The following DMD variants were observed in gnomAD, a reference collection of about 807,000 sequenced individuals.
The protein encoded by DMD is dystrophin.
Under a neutral mutation model 330.1 loss-of-function variants are expected in DMD, and 63 were observed. That is an observed-to-expected ratio of 0.19 (90% CI 0.16 to 0.24). The LOEUF is 0.24. DMD is among the 10% of genes least tolerant of loss of function. The pLI is 1.00. For synonymous variants in DMD, 1,223 were observed against 959.8 expected (o/e 1.27, Z -5.07); for missense variants, 3,344 against 2,684.1 (o/e 1.25, Z -5.43).
At chrX:32,584,940 A>T (rs1569250903) in intron 13 of DMD, among the ~76,000 whole-genome samples, 1 of 108,836 alleles carries the variant, frequency 9.2e-6, no homozygotes, top group Non-Finnish European at 1.9e-5. Context: ...TAAAGTTTGC[A>T]TTTTTTTTTC....
chrX:32,325,340 C>A (rs909505118), intron 41 of DMD, among the ~76,000 whole-genome samples: 30 of 111,200 alleles, frequency 2.7e-4, no homozygotes, highest in African/African-American at 8.8e-4. Flanking sequence ...TCGCACAGAG[C>A]TCTGAACTAG....
intron 44 of DMD, among the ~76,000 whole-genome samples, chrX:32,044,588 A>AT (rs760382813): frequency 9.2e-6 from 1 of 109,202 alleles, no homozygotes; most frequent in African/African-American, 3.3e-5. Context: ...TGCCCAGCTA[A>AT]TTTTTTTGTA....
In DMD at chrX:31,749,069, C is replaced by T. The variant is rs186555311; in HGVS notation, c.7543-19321G>A. ...AAGCACAGAAAAGATTACCAACTTC[C>T]CCAAAGACAGCCAGCCAGTTAGGAT... On this transcript the variant is annotated intron_variant, in intron 51 of 78. Coordinates refer to ENST00000357033, the MANE Select transcript of DMD (RefSeq NM_004006.3). Among the ~76,000 whole-genome samples, 208 of 111,288 alleles carry T rather than the reference C, an allele frequency of 1.9e-3. 2 individuals carry two copies. The highest frequency in any genetic ancestry group is 2.7e-3 in the South Asian group (7 of 2,637).
At chrX:32,139,216 A>G (rs1017444773) in intron 44 of DMD, among the ~76,000 whole-genome samples, 3 of 112,201 alleles carry the variant, frequency 2.7e-5, no homozygotes, top group African/African-American at 9.7e-5. Flanking sequence ...TATTCTCAAC[A>G]TGTTCACATC....
chrX:32,081,005 C>A (rs181727271), intron 44 of DMD, among the ~76,000 whole-genome samples: 3 of 111,961 alleles, frequency 2.7e-5, no homozygotes. Flanking sequence ...GATTGACCCA[C>A]GTCTTGACAA....
At chrX:31,785,392 T>A (rs913766122) in intron 50 of DMD, among the ~76,000 whole-genome samples, 1 of 112,145 alleles carries the variant, frequency 8.9e-6, no homozygotes, top group Non-Finnish European at 1.9e-5. Flanking sequence ...TTAACACTAC[T>A]GGTTTGTACA....
chrX:32,857,474 T>G (rs2081671404), intron 2 of DMD, among the ~76,000 whole-genome samples: 1 of 112,298 alleles, frequency 8.9e-6, no homozygotes. Context: ...TTTTCCCTCC[T>G]TTGGCCAGGA....
At chrX:31,732,435 T>C (rs991206418) in intron 51 of DMD, among the ~76,000 whole-genome samples, 3 of 111,622 alleles carry the variant, frequency 2.7e-5, no homozygotes, top group African/African-American at 9.7e-5. Context: ...TAAGATATTA[T>C]AAAAACAGTG....
rs771228688 is a variant in DMD, at chrX:31,279,899, G to C, written c.9225-18883C>G. Reference sequence around the variant, plus strand: ...GACTACATTTTTAGAGTTGTAAAAAGAAAAAGAATGTGCAACAAAGATGCA... The same window carrying C: ...GACTACATTTTTAGAGTTGTAAAAACAAAAAGAATGTGCAACAAAGATGCA... On this transcript the variant is annotated intron_variant, in intron 62 of 78. Coordinates refer to ENST00000357033, the MANE Select transcript of DMD (RefSeq NM_004006.3). 6.9e-4 allele frequency among the ~76,000 whole-genome samples: 78 copies of C among 112,614 alleles called. 1 individual carries two copies. Among genetic ancestry groups the C allele is most frequent in the Non-Finnish European group, 9.4e-5 (5 of 53,341 alleles).
At chrX:31,523,669 T>C (rs1174060590) in intron 55 of DMD, among the ~76,000 whole-genome samples, 1 of 111,564 alleles carries the variant, frequency 9.0e-6, no homozygotes, top group African/African-American at 3.3e-5. Flanking sequence ...TGGGTAACCA[T>C]GGAGAAAAGG....
intron 47 of DMD, among the ~76,000 whole-genome samples, chrX:31,919,051 G>A (rs1038568315): frequency 2.7e-5 from 3 of 111,516 alleles, no homozygotes; most frequent in Non-Finnish European, 5.6e-5. Flanking sequence ...TTGTGTGTTG[G>A]CCTTTATTTG....
chrX:32,548,845 A>T (rs1020324968), intron 16 of DMD, among the ~76,000 whole-genome samples: 6 of 111,542 alleles, frequency 5.4e-5, no homozygotes, highest in African/African-American at 1.9e-4. Context: ...AGAATGAGGA[A>T]AACTTCAAGC....
intron 51 of DMD, among the ~76,000 whole-genome samples, chrX:31,731,458 T>C (rs770055537): frequency 3.6e-5 from 4 of 112,018 alleles, no homozygotes; most frequent in Non-Finnish European, 7.5e-5. Context: ...AATGTTTGAA[T>C]ATGTTCAATA....
chrX:32,675,224 A>G (rs775078454), intron 9 of DMD, among the ~76,000 whole-genome samples: 1 of 111,611 alleles, frequency 9.0e-6, no homozygotes, highest in South Asian at 3.7e-4. Flanking sequence ...TACTACAACT[A>G]GGATGCCAAA....
At chrX:31,986,277 T>C (rs370457090) in intron 44 of DMD, among the ~76,000 whole-genome samples, 46 of 112,105 alleles carry the variant, frequency 4.1e-4, no homozygotes, top group African/African-American at 1.5e-3. Flanking sequence ...CAATAAAATA[T>C]TAAATAAAAG....
chrX:31,985,250 G>A (rs1222315422), intron 44 of DMD, among the ~76,000 whole-genome samples: 1 of 111,867 alleles, frequency 8.9e-6, no homozygotes, highest in Non-Finnish European at 1.9e-5. Flanking sequence ...TTTCATAACT[G>A]AGAGCCAGAA....
chrX:31,168,803 GAC>G (rs1265829095), intron 74 of DMD, among the ~76,000 whole-genome samples: 1 of 111,749 alleles, frequency 8.9e-6, no homozygotes, highest in Non-Finnish European at 1.9e-5. Context: ...GCATTATCCT[GAC>G]ACAATACAGT....
At chrX:33,009,910 G>A (rs753026301) in intron 2 of DMD, among the ~76,000 whole-genome samples, 2 of 61,069 alleles carry the variant, frequency 3.3e-5, no homozygotes, top group East Asian at 1.7e-3. Flanking sequence ...GTGTGTATAT[G>A]TGTATATGTG....
intron 17 of DMD, among the ~76,000 whole-genome samples, chrX:32,534,563 C>A (rs1257723027): frequency 4.5e-5 from 5 of 111,269 alleles, no homozygotes; most frequent in Non-Finnish European, 7.5e-5. Context: ...GCTTGCAGAA[C>A]CGTGAGCCAG....
Sources: allele counts gnomAD v4.1 joint callset (sites outside exome capture counted in the v4.1 genomes callset), GRCh38; gene constraint gnomAD v4.1.1; transcripts MANE v1.5; gene names NCBI Gene and HGNC (gene_info 2026-07-23, HGNC 2026-07-21).